The following FMN2 variants were observed in gnomAD, a reference collection of about 807,000 sequenced individuals.
The protein encoded by FMN2 is formin 2.
FMN2 carries 51 observed loss-of-function variants against 142.3 expected under a neutral mutation model. The ratio of observed to expected loss-of-function variants is 0.36; its 90% CI spans 0.29 to 0.45. FMN2 has a LOEUF of 0.45. Ranked by LOEUF, FMN2 falls within the 20% of genes least tolerant of loss-of-function variation. The pLI is 1.00. For missense variants in FMN2, 1,936 were observed against 2,122.8 expected, an observed-to-expected ratio of 0.91 and a Z score of 1.73; for synonymous variants, 882 against 869.8, an observed-to-expected ratio of 1.01 and a Z score of -0.25.
chr1:240,229,364 C>G (rs1667458962), intron 6 of FMN2, among the ~76,000 whole-genome samples: 1 of 152,076 alleles, frequency 6.6e-6, no homozygotes, highest in Non-Finnish European at 1.5e-5. Context: ...CCATCTCCCT[C>G]CCTCTCTCTT....
At chr1:240,198,802 T>A (rs1666022467) in intron 4 of FMN2, among the ~76,000 whole-genome samples, 1 of 152,262 alleles carries the variant, frequency 6.6e-6, no homozygotes, top group African/African-American at 2.4e-5. Flanking sequence ...AAAACTAGGA[T>A]GTTTCTTAAT....
At chr1:240,380,131 A>G (rs1282466697) in intron 14 of FMN2, among the ~76,000 whole-genome samples, 1 of 152,206 alleles carries the variant, frequency 6.6e-6, no homozygotes, top group Non-Finnish European at 1.5e-5. Flanking sequence ...CTCTAGACCA[A>G]ATGGAAAAAC....
At chr1:240,448,900 TG>T (rs958243785) in intron 16 of FMN2, among the ~76,000 whole-genome samples, 1 of 152,058 alleles carries the variant, frequency 6.6e-6, no homozygotes, top group Non-Finnish European at 1.5e-5. Flanking sequence ...CCCAGTACTT[TG>T]GGGGGCCAAG....
intron 16 of FMN2, 34 bp downstream of exon 16, chr1:240,438,244 A>C: frequency 1.3e-6 from 2 of 1,597,484 alleles, no homozygotes; most frequent in Non-Finnish European, 1.7e-6. Flanking sequence ...GGCATTTTAA[A>C]ACTGGTGTTT....
At chr1:240,134,747 T>G (rs1278493722) in intron 2 of FMN2, among the ~76,000 whole-genome samples, 1 of 151,984 alleles carries the variant, frequency 6.6e-6, no homozygotes, top group Non-Finnish European at 1.5e-5. Flanking sequence ...AGTCTGGGAG[T>G]TGACTCTGTA....
At chr1:240,201,277 A>G (rs145174181) in intron 4 of FMN2, among the ~76,000 whole-genome samples, 1 of 152,250 alleles carries the variant, frequency 6.6e-6, no homozygotes, top group East Asian at 1.9e-4. Context: ...TCAGTTTATC[A>G]ATGATTTTTG....
intron 2 of FMN2, among the ~76,000 whole-genome samples, chr1:240,155,538 C>G (rs1008855365): frequency 6.6e-6 from 1 of 152,098 alleles, no homozygotes; most frequent in Non-Finnish European, 1.5e-5. Context: ...GCCTTGGCCT[C>G]TCAAAGTGCT....
intron 2 of FMN2, among the ~76,000 whole-genome samples, chr1:240,154,126 A>AC (rs1663910675): frequency 6.7e-6 from 1 of 149,784 alleles, no homozygotes; most frequent in Non-Finnish European, 1.5e-5. Flanking sequence ...AAAAAAAAAA[A>AC]AAAAAGTGTT....
At chr1:240,139,826 A>G (rs916749929) in intron 2 of FMN2, among the ~76,000 whole-genome samples, 2 of 152,118 alleles carry the variant, frequency 1.3e-5, no homozygotes, top group African/African-American at 2.4e-5. Flanking sequence ...TTGCTCAGGT[A>G]GATGTATCGG....
At chr1:240,393,027 A>G (rs914839337) in intron 15 of FMN2, among the ~76,000 whole-genome samples, 1 of 151,994 alleles carries the variant, frequency 6.6e-6, no homozygotes, top group Admixed American at 6.5e-5. Context: ...TTCTGCCTCC[A>G]TTTTCTCTTC....
chr1:240,154,960 C>T (rs1357322128), intron 2 of FMN2, among the ~76,000 whole-genome samples: 1 of 148,556 alleles, frequency 6.7e-6, no homozygotes, highest in African/African-American at 2.5e-5. Flanking sequence ...GATCATGGCT[C>T]ACTGCAGCCT....
At chr1:240,339,964 G>A (rs2103027504) in intron 13 of FMN2, among the ~76,000 whole-genome samples, 1 of 151,612 alleles carries the variant, frequency 6.6e-6, no homozygotes, top group Non-Finnish European at 1.5e-5. Context: ...TAATTTACTG[G>A]GTAATCCTAA....
intron 14 of FMN2, among the ~76,000 whole-genome samples, chr1:240,366,843 G>A (rs895689512): frequency 1.3e-5 from 2 of 152,070 alleles, no homozygotes; most frequent in African/African-American, 4.8e-5. Flanking sequence ...GAGCCACCGC[G>A]CCCGGCCCTC....
At chr1:240,434,055 T>A (rs372667844) in intron 15 of FMN2, among the ~76,000 whole-genome samples, 1 of 152,200 alleles carries the variant, frequency 6.6e-6, no homozygotes, top group African/African-American at 2.4e-5. Flanking sequence ...ACAAAAGACG[T>A]GTGGTGTTGA....
intron 6 of FMN2, among the ~76,000 whole-genome samples, chr1:240,232,824 A>T (rs527717858): frequency 2.6e-5 from 4 of 152,148 alleles, no homozygotes; most frequent in African/African-American, 9.7e-5. Flanking sequence ...ATAGTCTACT[A>T]TACATTTTTT....
At chr1:240,394,457 G>A (rs1673705984) in intron 15 of FMN2, among the ~76,000 whole-genome samples, 1 of 152,174 alleles carries the variant, frequency 6.6e-6, no homozygotes, top group African/African-American at 2.4e-5. Flanking sequence ...TAGAAGTGGG[G>A]TCATGAAGTT....
chr1:240,131,179 G>A (rs1276457324), intron 2 of FMN2, among the ~76,000 whole-genome samples: 2 of 152,156 alleles, frequency 1.3e-5, no homozygotes, highest in Admixed American at 1.3e-4. Flanking sequence ...CTGAGTGAGA[G>A]GAAAGTATGG....
At chr1:240,151,152 A>G (rs1487657722) in intron 2 of FMN2, among the ~76,000 whole-genome samples, 1 of 152,214 alleles carries the variant, frequency 6.6e-6, no homozygotes, top group Admixed American at 6.5e-5. Context: ...CTATTGAAGT[A>G]TATTTGGGCT....
intron 15 of FMN2, among the ~76,000 whole-genome samples, chr1:240,433,244 C>T (rs753854753): frequency 2.0e-5 from 3 of 152,072 alleles, no homozygotes; most frequent in Non-Finnish European, 4.4e-5. Context: ...TGGAAGTCTA[C>T]TCAGATAATA....
Sources: gnomAD v4.1 joint callset for allele counts (sites outside exome capture counted in the v4.1 genomes callset) on GRCh38, gnomAD v4.1.1 for gene constraint, MANE v1.5 for transcripts, NCBI Gene and HGNC (gene_info 2026-07-23, HGNC 2026-07-21) for gene names.